SPIDR: variants seen among roughly 807,000 people sequenced by gnomAD.
The protein encoded by SPIDR is DNA repair-scaffolding protein.
In SPIDR, 93 loss-of-function variants were observed where a neutral mutation model predicts 104.6. That is an observed-to-expected ratio of 0.89 (90% confidence interval 0.75 to 1.06). The LOEUF (loss-of-function observed/expected upper bound fraction) is 1.06, where lower values mean the gene tolerates loss of function less well. SPIDR is among the 50% of genes least tolerant of loss of function. The pLI is 0.00. For synonymous variants in SPIDR, 431 were observed against 416.9 expected, an observed-to-expected ratio of 1.03 and a Z score of -0.41; for missense variants, 1,154 against 1,111.2, an observed-to-expected ratio of 1.04 and a Z score of -0.55.
rs149306870 is a variant in SPIDR, at chr8:47,736,048, C to G, written c.*598C>G. 3.3e-3 allele frequency: 540 copies of G among 161,870 alleles called. 2 individuals carry two copies. The highest frequency in any genetic ancestry group is 0.012 in the African/African-American group (506 of 41,610). 10.0% of individuals were successfully genotyped at this position (161,870 alleles called of 1,614,324 possible). A position where few individuals can be genotyped will look rare whatever the true frequency, so the allele number is the denominator to read the frequency against. On this transcript the variant is annotated 3_prime_UTR_variant, in exon 20 of 20. Transcript: ENST00000297423. Reference sequence around the variant, plus strand: ...TGAATGGTGGTGGGGATAGCTGGCTCCACCACACACACCTGTTTTAATTAG... The same window carrying G: ...TGAATGGTGGTGGGGATAGCTGGCTGCACCACACACACCTGTTTTAATTAG...
intron 7 of SPIDR, among the ~76,000 whole-genome samples, chr8:47,410,436 C>T (rs1006260726): frequency 3.3e-5 from 5 of 152,096 alleles, no homozygotes; most frequent in African/African-American, 1.2e-4. Context: ...CCACCTCAGC[C>T]TCCCAAAGTG....
intron 8 of SPIDR, among the ~76,000 whole-genome samples, chr8:47,501,400 A>T (rs940955991): frequency 1.3e-5 from 2 of 151,944 alleles, no homozygotes; most frequent in African/African-American, 4.8e-5. Flanking sequence ...ATTCTCTTTG[A>T]AGCAATTGTG....
In SPIDR at chr8:47,308,816, C is replaced by T. The variant is rs146526909; in HGVS notation, c.525+14786C>T. ...CTGTCCTTGGTTCCTGTAAGCTGCGCGCAAGCTGCTCCTTGGAATGCATGC... is the reference window on the plus strand; with the variant it reads ...CTGTCCTTGGTTCCTGTAAGCTGCGTGCAAGCTGCTCCTTGGAATGCATGC... On this transcript the variant is annotated intron_variant, in intron 5 of 19. Coordinates refer to ENST00000297423, the MANE Select transcript of SPIDR (RefSeq NM_001080394.4). Among the ~76,000 whole-genome samples, 83 of 152,360 alleles carry T rather than the reference C, an allele frequency of 5.4e-4. 1 individual carries two copies. Among genetic ancestry groups the T allele is most frequent in the African/African-American group, 1.9e-3 (77 of 41,592 alleles).
chr8:47,278,988 G>C (rs2037165032), intron 1 of SPIDR, among the ~76,000 whole-genome samples: 2 of 151,822 alleles, frequency 1.3e-5, no homozygotes, highest in South Asian at 4.2e-4. Flanking sequence ...CTGGGCTCAA[G>C]CGATCCTCCT....
At chr8:47,505,709 C>G (rs1030915443) in intron 8 of SPIDR, among the ~76,000 whole-genome samples, 1 of 152,204 alleles carries the variant, frequency 6.6e-6, no homozygotes, top group African/African-American at 2.4e-5. Context: ...GTTGGTCACG[C>G]TGGGAGCTGT....
At chr8:47,403,213 TAA>T (rs1340041604) in intron 6 of SPIDR, among the ~76,000 whole-genome samples, 20 of 152,140 alleles carry the variant, frequency 1.3e-4, no homozygotes, top group Non-Finnish European at 1.6e-4. Flanking sequence ...CTCAAAATAA[TAA>T]GAGGTATTTA....
chr8:47,399,648 G>A (rs2061622845), intron 6 of SPIDR, among the ~76,000 whole-genome samples: 1 of 152,126 alleles, frequency 6.6e-6, no homozygotes, highest in Non-Finnish European at 1.5e-5. Context: ...CAGCCAGTGT[G>A]GATTCGACCC....
At chr8:47,349,297 T>C (rs2052907669) in intron 5 of SPIDR, among the ~76,000 whole-genome samples, 1 of 152,214 alleles carries the variant, frequency 6.6e-6, no homozygotes, top group Non-Finnish European at 1.5e-5. Context: ...ACAGCAAATA[T>C]TGCAGAACAG....
intron 8 of SPIDR, among the ~76,000 whole-genome samples, chr8:47,510,290 CAG>C (rs1326908266): frequency 4.6e-5 from 7 of 152,198 alleles, no homozygotes; most frequent in Admixed American, 2.0e-4. Context: ...CAAATGCTGA[CAG>C]AGTTACAGTG....
chr8:47,683,248 T>TTACAGAAG (rs2077319548), intron 11 of SPIDR, among the ~76,000 whole-genome samples: 2 of 152,260 alleles, frequency 1.3e-5, no homozygotes, highest in Admixed American at 6.5e-5. Flanking sequence ...GACTACAGTC[T>TTACAGAAG]TCTGTATGTT....
chr8:47,630,746 G>A (rs1037174909), intron 10 of SPIDR, among the ~76,000 whole-genome samples: 5 of 152,140 alleles, frequency 3.3e-5, no homozygotes, highest in African/African-American at 7.2e-5. Context: ...GTCAAATGTT[G>A]TAACTCTTTA....
chr8:47,349,876 A>G (rs1554621186), intron 5 of SPIDR, among the ~76,000 whole-genome samples: 1 of 152,186 alleles, frequency 6.6e-6, no homozygotes, highest in African/African-American at 2.4e-5. Context: ...ACCATCTGTC[A>G]TGGCTTCCCT....
At chr8:47,697,665 C>G (rs1259301858) in intron 11 of SPIDR, 1 of 152,488 alleles carries the variant, frequency 6.6e-6, no homozygotes, top group Admixed American at 6.5e-5. Context: ...GGCTCCCAGG[C>G]TGTCCCTGTT....
At chr8:47,328,023 T>TC (rs2047992883) in intron 5 of SPIDR, among the ~76,000 whole-genome samples, 2 of 151,728 alleles carry the variant, frequency 1.3e-5, no homozygotes. Context: ...TTTTTTTTTT[T>TC]CACTTTTTTG....
rs192682937 is a variant in SPIDR at position 47,469,801 on chromosome 8, G to A, written c.1097+29259G>A. ...TAATACCTGGGTGATGAAATAATCCGTACAACAAATTTCTATTATATGTTA... is the reference window on the plus strand; with the variant it reads ...TAATACCTGGGTGATGAAATAATCCATACAACAAATTTCTATTATATGTTA... On this transcript the variant is annotated intron_variant, in intron 8 of 19. Transcript: ENST00000297423. 1.1e-4 allele frequency among the ~76,000 whole-genome samples: 17 copies of A among 152,204 alleles called. 1 individual carries two copies. In the South Asian group the frequency reaches 2.7e-3, roughly 24 times the overall value.
At chr8:47,300,184 G>T (rs1471857930) in intron 5 of SPIDR, among the ~76,000 whole-genome samples, 3 of 152,146 alleles carry the variant, frequency 2.0e-5, no homozygotes, top group Admixed American at 6.6e-5. Context: ...TCTTGGGAGG[G>T]TGTATGTGTC....
At chr8:47,516,608 CT>C (rs2083195511) in intron 8 of SPIDR, among the ~76,000 whole-genome samples, 1 of 152,124 alleles carries the variant, frequency 6.6e-6, no homozygotes, top group South Asian at 2.1e-4. Flanking sequence ...AATTTCCTTC[CT>C]TTTTTAAGGC....
At chr8:47,322,617 T>C (rs556245912) in intron 5 of SPIDR, among the ~76,000 whole-genome samples, 1 of 152,340 alleles carries the variant, frequency 6.6e-6, no homozygotes, top group African/African-American at 2.4e-5. Context: ...TAAATCATGC[T>C]GCTATAAAGA....
At chr8:47,374,500 A>G (rs2058419811) in intron 5 of SPIDR, among the ~76,000 whole-genome samples, 1 of 152,216 alleles carries the variant, frequency 6.6e-6, no homozygotes, top group Non-Finnish European at 1.5e-5. Context: ...CAAATTATTT[A>G]GGCTAAATTA....
Sources: gnomAD v4.1 joint callset for allele counts (sites outside exome capture counted in the v4.1 genomes callset) on GRCh38, gnomAD v4.1.1 for gene constraint, MANE v1.5 for transcripts, NCBI Gene and HGNC (gene_info 2026-07-23, HGNC 2026-07-21) for gene names.